The following ELP3 variants were observed in gnomAD, a reference collection of about 807,000 sequenced individuals.
ELP3 encodes elongator acetyltransferase complex subunit 3.
Under a neutral mutation model 74.9 loss-of-function variants are expected in ELP3, and 56 were observed. That is an observed-to-expected ratio of 0.75 (90% confidence interval 0.60 to 0.93). The LOEUF (loss-of-function observed/expected upper bound fraction) is 0.93, where lower values mean the gene tolerates loss of function less well. ELP3 is among the 40% of genes least tolerant of loss of function. ELP3 has a pLI of 0.00. For synonymous variants in ELP3, 222 were observed against 239.8 expected, an observed-to-expected ratio of 0.93 and a Z score of 0.68; for missense variants, 573 against 686.5, an observed-to-expected ratio of 0.83 and a Z score of 1.85.
At chr8:28,090,935 C>A (rs1321876191), upstream of ELP3, among the ~76,000 whole-genome samples, 3 of 128,808 alleles carry the variant, frequency 2.3e-5, no homozygotes, top group Admixed American at 9.5e-5. Flanking sequence ...GAGCCGGAGT[C>A]TCACTGTGTC....
chr8:28,183,051 A>C, intron 14 of ELP3: 1 of 442,944 alleles, frequency 2.3e-6, no homozygotes, highest in Non-Finnish European at 4.5e-6. Context: ...CAGAGCAAGC[A>C]GTGTCCTCTG....
upstream of ELP3, chr8:28,093,088 G>A (rs533191494): frequency 1.8e-5 from 27 of 1,487,112 alleles, no homozygotes; most frequent in African/African-American, 3.7e-4. Flanking sequence ...CTTCCGGGAA[G>A]AGCTTTACGA....
At chr8:28,127,558 G>A (rs1056322634) in intron 7 of ELP3, among the ~76,000 whole-genome samples, 3 of 151,896 alleles carry the variant, frequency 2.0e-5, no homozygotes, top group Non-Finnish European at 4.4e-5. Context: ...TTTGAAAAAT[G>A]TTTTCCCTCA....
chr8:28,149,504 C>G (rs1272488152), intron 10 of ELP3, among the ~76,000 whole-genome samples: 1 of 152,090 alleles, frequency 6.6e-6, no homozygotes, highest in Non-Finnish European at 1.5e-5. Flanking sequence ...TTTTAATGTT[C>G]GTGGGCTCCG....
At chr8:28,108,457 C>CTTTTTTTTTTTTTTTTTTTTTTTTTTTT (rs33948469) in intron 5 of ELP3, among the ~76,000 whole-genome samples, 2 of 117,572 alleles carry the variant, frequency 1.7e-5, no homozygotes, top group Non-Finnish European at 1.7e-5. Flanking sequence ...ATTTTTTTTT[C>CTTTTTTTTTTTTTTTTTTTTTTTTTTTT]TTTTTTTTTT....
At chr8:28,108,272 T>G (rs1241414825) in intron 5 of ELP3, among the ~76,000 whole-genome samples, 1 of 152,132 alleles carries the variant, frequency 6.6e-6, no homozygotes, top group Non-Finnish European at 1.5e-5. Context: ...GACACTATCA[T>G]GATCCCAGTT....
chr8:28,162,914 C>T (rs1814159954), intron 14 of ELP3, among the ~76,000 whole-genome samples: 1 of 152,214 alleles, frequency 6.6e-6, no homozygotes, highest in Non-Finnish European at 1.5e-5. Flanking sequence ...ACACCTTCCT[C>T]ATGAACATCT....
chr8:28,099,832 A>G lies in ELP3; in HGVS notation c.124A>G (p.Lys42Glu). 1 of 1,614,210 alleles carries G rather than the reference A, an allele frequency of 6.2e-7. No individual in the cohort carries two copies. The highest frequency in any genetic ancestry group is 8.5e-7 in the Non-Finnish European group (1 of 1,180,034). The change falls in exon 3 of 15, where the codon AAA (lysine) becomes GAA (glutamate). Residue 42 changes from lysine to glutamate, a missense_variant. By Grantham distance (56) the Lys-to-Glu change is moderately conservative (BLOSUM62 1). Transcript: ENST00000256398. Reference protein sequence around the residue: ...QGKDIDLNKVKTKTAAKYGLS... With the variant: ...QGKDIDLNKVETKTAAKYGLS... ...TGTGAGATGCTTTACTTTCAGGGTGAAAACCAAGACAGCTGCCAAATATGG... is the reference window on the plus strand; with the variant it reads ...TGTGAGATGCTTTACTTTCAGGGTGGAAACCAAGACAGCTGCCAAATATGG...
intron 14 of ELP3, among the ~76,000 whole-genome samples, chr8:28,165,077 G>A (rs557057795): frequency 3.6e-4 from 55 of 152,136 alleles, no homozygotes; most frequent in African/African-American, 1.3e-3. Context: ...GGGTGGCCAG[G>A]ATTCCATTCC....
At chr8:28,100,823 T>C (rs945726481) in intron 3 of ELP3, among the ~76,000 whole-genome samples, 86 of 152,118 alleles carry the variant, frequency 5.7e-4, no homozygotes, top group African/African-American at 1.9e-3. Flanking sequence ...GACTCTAGGA[T>C]GAAAAAAGAT....
intron 10 of ELP3, among the ~76,000 whole-genome samples, chr8:28,140,145 T>C (rs1813178081): frequency 6.6e-6 from 1 of 151,562 alleles, no homozygotes; most frequent in African/African-American, 2.4e-5. Context: ...TGTGTGTGTG[T>C]GTGTGTGTGT....
In ELP3 at chr8:28,182,552, A is replaced by G. The variant is rs1342182103; in HGVS notation, c.1568-7097A>G. ...CTCCAGCCTGGGTGACAAGAGAGAGACTTCGTCTCAAAAACAAACAAAAAA... is the reference window on the plus strand; with the variant it reads ...CTCCAGCCTGGGTGACAAGAGAGAGGCTTCGTCTCAAAAACAAACAAAAAA... On this transcript the variant is annotated intron_variant, in intron 14 of 14. Coordinates refer to ENST00000256398, the MANE Select transcript of ELP3 (RefSeq NM_018091.6). 2.6e-5 allele frequency among the ~76,000 whole-genome samples: 4 copies of G among 152,184 alleles called. No individual in the cohort carries two copies. In the East Asian group the frequency reaches 7.7e-4, roughly 29 times the overall value.
intron 1 of ELP3, chr8:28,093,544 T>A: frequency 2.3e-6 from 1 of 434,420 alleles, no homozygotes; most frequent in East Asian, 4.2e-5. Flanking sequence ...TGTAGGACTT[T>A]TCATTTGTTA....
chr8:28,158,769 C>T (rs1222981587), intron 12 of ELP3, 136 bp downstream of exon 12: 3 of 708,390 alleles, frequency 4.2e-6, no homozygotes, highest in Non-Finnish European at 7.2e-6. Context: ...GGATTAGATA[C>T]CGGTGTCAAA....
chr8:28,106,843 T>C, intron 4 of ELP3, 60 bp downstream of exon 4: 2 of 1,300,824 alleles, frequency 1.5e-6, no homozygotes, highest in Non-Finnish European at 2.2e-6. Context: ...ATATGCCCCC[T>C]CTAGCCCTTA....
rs115011901 is a variant in ELP3 at position 28,129,268 on chromosome 8, A to G, written c.618-234A>G. 1,941 of 473,648 alleles carry G rather than the reference A, an allele frequency of 4.1e-3. 31 individuals carry two copies. The highest frequency in any genetic ancestry group is 0.034 in the African/African-American group (1,762 of 51,828). The allele number at this position is 473,648 out of a possible 1,614,324, so 29.3% of individuals were successfully genotyped here. A position where few individuals can be genotyped will look rare whatever the true frequency, so the allele number is the denominator to read the frequency against. ...CACGTCAATCTTATGAGGTGTAGAT[A>G]GTGTATTATCCTCATTTTGCAGTTA... On this transcript the variant is annotated intron_variant, in intron 7 of 14. Coordinates refer to ENST00000256398, the MANE Select transcript of ELP3 (RefSeq NM_018091.6).
chr8:28,098,799 G>A (rs1811356558), intron 2 of ELP3, among the ~76,000 whole-genome samples: 1 of 152,160 alleles, frequency 6.6e-6, no homozygotes, highest in Non-Finnish European at 1.5e-5. Flanking sequence ...AAATCAGCCT[G>A]TCTGCCCTCC....
chr8:28,130,502 G>A (rs1443769841), intron 8 of ELP3, among the ~76,000 whole-genome samples: 1 of 152,194 alleles, frequency 6.6e-6, no homozygotes. Context: ...TTTCCCTTAA[G>A]GAATAGAGAT....
At chr8:28,173,386 C>T (rs891567986) in intron 14 of ELP3, among the ~76,000 whole-genome samples, 8 of 151,946 alleles carry the variant, frequency 5.3e-5, no homozygotes, top group South Asian at 2.1e-4. Context: ...AACATGTTGG[C>T]GTACAGTTGT....
Sources: allele counts gnomAD v4.1 joint callset (sites outside exome capture counted in the v4.1 genomes callset), GRCh38; gene constraint gnomAD v4.1.1; transcripts MANE v1.5; gene names NCBI Gene and HGNC (gene_info 2026-07-23, HGNC 2026-07-21).